CACNA1B: variants seen among roughly 807,000 people sequenced by gnomAD.
The protein encoded by CACNA1B is voltage-dependent N-type calcium channel subunit alpha-1B.
Under a neutral mutation model 247.2 loss-of-function variants are expected in CACNA1B, and 70 were observed. The observed-to-expected ratio is 0.28, with a 90% CI of 0.23 to 0.35. The LOEUF (loss-of-function observed/expected upper bound fraction) is 0.35, where lower values mean the gene tolerates loss of function less well. CACNA1B is among the 10% of genes least tolerant of loss of function. The pLI is 1.00. For missense variants in CACNA1B, 2,367 were observed against 3,197.4 expected (o/e 0.74, Z 6.26); for synonymous variants, 1,231 against 1,294.4 (o/e 0.95, Z 1.05).
chr9:137,983,362 C>T (rs1240744538), intron 12 of CACNA1B, among the ~76,000 whole-genome samples: 1 of 152,156 alleles, frequency 6.6e-6, no homozygotes, highest in Non-Finnish European at 1.5e-5. Context: ...CTTGCTTGTC[C>T]TGTCCAGAGG....
chr9:138,050,082 G>C lies in CACNA1B; in HGVS notation c.3710+767G>C. 8 of 1,289,594 alleles carry C rather than the reference G, an allele frequency of 6.2e-6. No individual in the cohort carries two copies. The highest frequency in any genetic ancestry group is 8.1e-6 in the Non-Finnish European group (8 of 988,694). 79.9% of individuals were successfully genotyped at this position (1,289,594 alleles called of 1,614,324 possible). ...TCTTGCTGGACTCGGCAGGAGCTTC[G>C]TGGGGTAATGCCTTCTCTCCCCCAC... is the stretch of plus-strand genomic sequence containing the variant. On this transcript the variant is annotated intron_variant, in intron 24 of 46. Transcript: ENST00000371372. The surrounding 1 kb of genome is among the most constrained non-coding windows in gnomAD (Gnocchi z 5.2).
intron 15 of CACNA1B, among the ~76,000 whole-genome samples, chr9:138,002,528 A>G (rs2133405674): frequency 2.0e-5 from 3 of 148,948 alleles, no homozygotes; most frequent in Admixed American, 2.0e-4. Flanking sequence ...TGGGCAACAT[A>G]ATGAAAGCCC....
At chr9:137,989,487 A>G (rs1176221520) in intron 15 of CACNA1B, among the ~76,000 whole-genome samples, 2 of 152,214 alleles carry the variant, frequency 1.3e-5, no homozygotes, top group East Asian at 3.8e-4. Context: ...TCAGATGATC[A>G]AGCAGGATAA....
At chr9:138,003,341 T>TA (rs761370817) in intron 15 of CACNA1B, among the ~76,000 whole-genome samples, 7 of 151,066 alleles carry the variant, frequency 4.6e-5, no homozygotes, top group Non-Finnish European at 1.0e-4. Context: ...CCTAGCTCAT[T>TA]AAAAAAATTT....
chr9:138,070,077 G>T, intron 32 of CACNA1B, among the ~76,000 whole-genome samples: 1 of 152,210 alleles, frequency 6.6e-6, no homozygotes, highest in East Asian at 1.9e-4. Context: ...TTTCCTGTTG[G>T]GACTGGCTCA....
chr9:137,878,986 G>T, intron 1 of CACNA1B, 68 bp from the exon 2 acceptor site: 2 of 986,350 alleles, frequency 2.0e-6, no homozygotes, highest in Admixed American at 4.0e-5. Context: ...GCTGCACTGG[G>T]CTCTGCTGGC....
At chr9:138,082,188 C>G (rs184380423) in intron 36 of CACNA1B, among the ~76,000 whole-genome samples, 1 of 151,228 alleles carries the variant, frequency 6.6e-6, no homozygotes, top group Admixed American at 6.6e-5. Flanking sequence ...AGGACACTAT[C>G]AACAGAATGA....
chr9:138,090,830 T>C (rs1960854999), intron 36 of CACNA1B, among the ~76,000 whole-genome samples: 1 of 150,242 alleles, frequency 6.7e-6, no homozygotes, highest in Non-Finnish European at 1.5e-5. Context: ...TCAACATCTC[T>C]AATCATCAGG....
intron 44 of CACNA1B, among the ~76,000 whole-genome samples, chr9:138,119,123 C>A (rs1046890647): frequency 1.6e-4 from 24 of 152,112 alleles, no homozygotes; most frequent in African/African-American, 5.6e-4. Flanking sequence ...CTCCCTGAGA[C>A]AACCCCCACT....
chr9:137,907,476 A>G (rs1233635253), intron 3 of CACNA1B, among the ~76,000 whole-genome samples: 4 of 152,238 alleles, frequency 2.6e-5, no homozygotes, highest in African/African-American at 9.6e-5. Flanking sequence ...TCTCTCTTCC[A>G]ACACATCACC....
intron 38 of CACNA1B, among the ~76,000 whole-genome samples, chr9:138,103,400 G>A (rs764089426): frequency 3.9e-5 from 6 of 152,188 alleles, no homozygotes; most frequent in Non-Finnish European, 8.8e-5. Flanking sequence ...AAGGAAAGGG[G>A]TGCTGGGGAG....
intron 6 of CACNA1B, among the ~76,000 whole-genome samples, chr9:137,951,007 C>T (rs572593645): frequency 1.5e-3 from 227 of 152,260 alleles, no homozygotes; most frequent in African/African-American, 5.2e-3. Flanking sequence ...TTGCGGGAGC[C>T]AAGTGCTTGA....
intron 36 of CACNA1B, among the ~76,000 whole-genome samples, chr9:138,087,713 C>CAAAAAAAAAAAA (rs57138546): frequency 1.7e-4 from 6 of 35,448 alleles, no homozygotes; most frequent in East Asian, 1.5e-3. Flanking sequence ...GACTCCGTCT[C>CAAAAAAAAAAAA]AAAAAAAAAA....
chr9:137,952,863 G>T lies in CACNA1B; in HGVS notation c.1070+486G>T, dbSNP rs1243947278. Reference sequence around the variant, plus strand: ...TGAGCAGCCTCTGTGGCCACAGAGAGCCCCTCTGTTACTGTGGTGAGAAAT... The same window carrying T: ...TGAGCAGCCTCTGTGGCCACAGAGATCCCCTCTGTTACTGTGGTGAGAAAT... On this transcript the variant is annotated intron_variant, in intron 7 of 46. Transcript: ENST00000371372. This position sits in a 1 kb window ranked among gnomAD's most constrained non-coding sequence, Gnocchi z 4.8. 6.6e-6 allele frequency among the ~76,000 whole-genome samples: 1 copy of T among 152,110 alleles called. No individual in the cohort carries two copies. The highest frequency in any genetic ancestry group is 1.5e-5 in the Non-Finnish European group (1 of 68,018).
At chr9:137,963,454 G>C (rs967715427) in intron 10 of CACNA1B, among the ~76,000 whole-genome samples, 10 of 152,266 alleles carry the variant, frequency 6.6e-5, no homozygotes, top group Admixed American at 2.0e-4. Flanking sequence ...GAGTGCAGTG[G>C]CGTGATCTCA....
At chr9:137,994,012 T>G (rs941625621) in intron 15 of CACNA1B, among the ~76,000 whole-genome samples, 1 of 150,266 alleles carries the variant, frequency 6.7e-6, no homozygotes, top group South Asian at 2.2e-4. Flanking sequence ...ATCAAGTGGG[T>G]TTCATATCAG....
intron 22 of CACNA1B, 124 bp downstream of exon 22, chr9:138,047,157 T>C (rs1959192300): frequency 1.1e-6 from 1 of 925,358 alleles, no homozygotes; most frequent in South Asian, 1.7e-5. Flanking sequence ...CCCTCCTTCC[T>C]CTGTCTGTGT....
rs57138546 is a variant in CACNA1B, at chr9:138,087,713, CAAAAAAAAAAAAAAA to C, written c.5095-8759_5095-8745del. Among the ~76,000 whole-genome samples the C allele has an allele frequency of 1.0e-3, 37 of 35,460 alleles. No homozygotes were observed. In the East Asian group the frequency reaches 0.021, roughly 20 times the overall value. 23.3% of individuals were successfully genotyped at this position (35,460 alleles called of 152,430 possible). A position where few individuals can be genotyped will look rare whatever the true frequency, so the allele number is the denominator to read the frequency against. On this transcript the variant is annotated intron_variant, in intron 36 of 46. Transcript: ENST00000371372. ...CTGGTGACAGAGTGAGACTCCGTCTCAAAAAAAAAAAAAAAAAAAAAAAAAAGACAGAAAAAGAGA... is the reference window on the plus strand; with the variant it reads ...CTGGTGACAGAGTGAGACTCCGTCTCAAAAAAAAAAAGACAGAAAAAGAGA...
chr9:137,921,881 A>ACG (rs1957486055), intron 6 of CACNA1B, among the ~76,000 whole-genome samples: 4 of 34,794 alleles, frequency 1.1e-4, no homozygotes, highest in Non-Finnish European at 2.2e-4. Flanking sequence ...TCAGCACTGC[A>ACG]GCCGCGCAGC....
Sources: gnomAD v4.1 joint callset for allele counts (sites outside exome capture counted in the v4.1 genomes callset) on GRCh38, gnomAD v4.1.1 for gene constraint, Gnocchi (gnomAD v3.1) non-coding constraint, MANE v1.5 for transcripts, NCBI Gene and HGNC (gene_info 2026-07-23, HGNC 2026-07-21) for gene names.